Variants in SSPN observed in about 807,000 individuals in gnomAD.
The protein encoded by SSPN is sarcospan.
SSPN carries 15 observed loss-of-function variants against 19.1 expected under a neutral mutation model. The observed-to-expected ratio is 0.78, with a 90% CI of 0.52 to 1.21. SSPN has a LOEUF of 1.21. Ranked by LOEUF, SSPN falls within the 50% of genes most tolerant of loss-of-function variation. The pLI, the probability that SSPN is intolerant of heterozygous loss-of-function variation, is 0.00. For missense variants in SSPN, 291 were observed against 314.0 expected, an observed-to-expected ratio of 0.93 and a Z score of 0.55; for synonymous variants, 147 against 140.3, an observed-to-expected ratio of 1.05 and a Z score of -0.34.
At chr12:26,158,003 CTT>C (rs1034923294) in intron 1 of SSPN, among the ~76,000 whole-genome samples, 14 of 149,078 alleles carry the variant, frequency 9.4e-5, no homozygotes, top group Admixed American at 9.4e-4. Flanking sequence ...TTACTTTTGT[CTT>C]TTTTTTTTCC....
At chr12:26,125,348 C>T in intron 1 of SSPN, 1 of 227,474 alleles carries the variant, frequency 4.4e-6, no homozygotes, top group Non-Finnish European at 8.8e-6. Context: ...ATGCGACTCC[C>T]TGGGTTCGTC....
At chr12:26,164,287 T>A (rs1010046084) in intron 1 of SSPN, among the ~76,000 whole-genome samples, 1 of 152,372 alleles carries the variant, frequency 6.6e-6, no homozygotes, top group South Asian at 2.1e-4. Context: ...GAACTTATTA[T>A]GTCATATTTA....
chr12:26,127,731 G>A (rs1944374797), intron 1 of SSPN, among the ~76,000 whole-genome samples: 1 of 151,762 alleles, frequency 6.6e-6, no homozygotes, highest in South Asian at 2.1e-4. Context: ...TCTCCTGTTT[G>A]CTTTTTGCCC....
intron 1 of SSPN, among the ~76,000 whole-genome samples, chr12:26,219,325 G>GA (rs1025035430): frequency 6.6e-6 from 1 of 151,362 alleles, no homozygotes; most frequent in Non-Finnish European, 1.5e-5. Flanking sequence ...GACCAAAAGG[G>GA]AAAAAAAATA....
rs1944692863 is a variant in SSPN at position 26,177,658 on chromosome 12, C to A, written c.-30-46635C>A. 2.0e-5 allele frequency among the ~76,000 whole-genome samples: 3 copies of A among 152,162 alleles called. No individual in the cohort carries two copies. The South Asian group carries it at 6.2e-4, about 32-fold the overall frequency. On this transcript the variant is annotated intron_variant, in intron 1 of 2. Transcript: ENST00000538142. ...GAGGCGATAGGTTCTACTCGTGAAT[C>A]CTTTGAATGCAAGGAACAGAAATCC...
In SSPN at chr12:26,234,363, A is replaced by C. The variant is rs1357101443; in HGVS notation, c.*3287A>C. On this transcript the variant is annotated 3_prime_UTR_variant, in exon 3 of 3. Transcript: ENST00000242729. Reference sequence around the variant, plus strand: ...GAGATTGTCTCTGAACCGTTGCTACATAGCCATAAATTTCTGTAAATCATG... The same window carrying C: ...GAGATTGTCTCTGAACCGTTGCTACCTAGCCATAAATTTCTGTAAATCATG... The C allele has an allele frequency of 6.6e-6, 1 of 152,250 alleles. No individual in the cohort carries two copies. The highest frequency in any genetic ancestry group is 2.4e-5 in the African/African-American group (1 of 41,456). 9.4% of individuals were successfully genotyped at this position (152,250 alleles called of 1,614,324 possible). A position where few individuals can be genotyped will look rare whatever the true frequency, so the allele number is the denominator to read the frequency against.
chr12:26,141,093 C>T (rs138281984), intron 1 of SSPN, among the ~76,000 whole-genome samples: 55 of 152,220 alleles, frequency 3.6e-4, no homozygotes, highest in Non-Finnish European at 6.2e-4. Flanking sequence ...TTACATAGCA[C>T]AAGAAACTTT....
At chr12:26,188,050 C>T (rs1162195798) in intron 1 of SSPN, among the ~76,000 whole-genome samples, 1 of 152,188 alleles carries the variant, frequency 6.6e-6, no homozygotes, top group Non-Finnish European at 1.5e-5. Context: ...AAATGTTCTC[C>T]ATGTTTGCAT....
chr12:26,229,482 G>A (rs1189874333), intron 2 of SSPN, among the ~76,000 whole-genome samples: 1 of 152,224 alleles, frequency 6.6e-6, no homozygotes, highest in Non-Finnish European at 1.5e-5. Flanking sequence ...ATCACTGTGT[G>A]GAACACACTC....
intron 2 of SSPN, among the ~76,000 whole-genome samples, chr12:26,225,980 GA>G (rs1205193953): frequency 6.8e-5 from 10 of 146,344 alleles, no homozygotes; most frequent in Non-Finnish European, 4.5e-5. Flanking sequence ...GGGAGTAAGA[GA>G]AAAAAAATAG....
intron 1 of SSPN, among the ~76,000 whole-genome samples, chr12:26,223,029 T>C (rs1043623633): frequency 6.6e-6 from 1 of 152,210 alleles, no homozygotes; most frequent in African/African-American, 2.4e-5. Context: ...TTGATCTTGC[T>C]CAGATTAGCA....
At chr12:26,188,409 A>G (rs1944767429) in intron 1 of SSPN, among the ~76,000 whole-genome samples, 1 of 152,244 alleles carries the variant, frequency 6.6e-6, no homozygotes, top group South Asian at 2.1e-4. Flanking sequence ...ATGATCAAAG[A>G]TGTCAGTCTG....
Position 26,195,833 on chromosome 12 carries a change from T to A in SSPN, c.161T>A (p.Leu54Gln). The change falls in exon 1 of 3, where the codon CTG becomes CAG. Residue 54 changes from leucine to glutamine, a missense_variant. Physicochemically the swap from Leu to Gln is moderately radical, Grantham distance 113. Coordinates refer to ENST00000242729, the MANE Select transcript of SSPN (RefSeq NM_005086.5). ...PRTCCGCRFP[L>Q]LLALLQLALG... ...ACCTGCTGCGGCTGCCGGTTCCCGC[T>A]GCTGCTCGCCCTGCTGCAGCTGGCC... The A allele has an allele frequency of 6.5e-7, 1 of 1,540,118 alleles. No individual in the cohort carries two copies. Among genetic ancestry groups the A allele is most frequent in the South Asian group, 1.2e-5 (1 of 82,342 alleles).
intron 1 of SSPN, among the ~76,000 whole-genome samples, chr12:26,216,062 C>T (rs530821439): frequency 6.6e-5 from 10 of 152,248 alleles, no homozygotes; most frequent in African/African-American, 1.9e-4. Context: ...GTGTTCAGCA[C>T]GGGGCTTAAC....
At chr12:26,155,104 T>G (rs1316431341) in intron 1 of SSPN, among the ~76,000 whole-genome samples, 1 of 152,186 alleles carries the variant, frequency 6.6e-6, no homozygotes, top group Non-Finnish European at 1.5e-5. Context: ...CAAAACCATG[T>G]TCTATGAATA....
intron 1 of SSPN, chr12:26,123,856 T>A: frequency 1.2e-6 from 1 of 812,708 alleles, no homozygotes; most frequent in Non-Finnish European, 2.1e-6. Context: ...GAAGTACTGT[T>A]CTTTTACTTC....
chr12:26,184,736 C>T (rs1944741349), intron 1 of SSPN, among the ~76,000 whole-genome samples: 1 of 152,018 alleles, frequency 6.6e-6, no homozygotes, highest in African/African-American at 2.4e-5. Context: ...AAGACTATTA[C>T]AGAAAATGGT....
rs138852858 is a variant in SSPN at position 26,171,798 on chromosome 12, G to A, written c.-31+49646G>A. On this transcript the variant is annotated intron_variant, in intron 1 of 2. Coordinates refer to the SSPN transcript ENST00000538142. Reference sequence around the variant, plus strand: ...AAACAAAATATCTTTGAGCTCCTTAGTAATTCTTAAGAACATAAAGAGTTC... The same window carrying A: ...AAACAAAATATCTTTGAGCTCCTTAATAATTCTTAAGAACATAAAGAGTTC... Among the ~76,000 whole-genome samples the A allele has an allele frequency of 1.0e-3, 159 of 152,180 alleles. 1 individual carries two copies. The highest frequency in any genetic ancestry group is 3.5e-3 in the African/African-American group (144 of 41,512).
chr12:26,164,487 C>T (rs926972825), intron 1 of SSPN, among the ~76,000 whole-genome samples: 34 of 152,198 alleles, frequency 2.2e-4, no homozygotes, highest in African/African-American at 7.7e-4. Context: ...CTGCAGTGAG[C>T]TATGATCATG....
Sources: allele counts gnomAD v4.1 joint callset (sites outside exome capture counted in the v4.1 genomes callset), GRCh38; gene constraint gnomAD v4.1.1; transcripts MANE v1.5; gene names NCBI Gene and HGNC (gene_info 2026-07-23, HGNC 2026-07-21).